PTCH1: variants seen among roughly 807,000 people sequenced by gnomAD.
The protein encoded by PTCH1 is patched 1.
Under a neutral mutation model 144.6 loss-of-function variants are expected in PTCH1, and 14 were observed. The observed-to-expected ratio is 0.10, with a 90% CI of 0.06 to 0.15. The LOEUF is 0.15. Ranked by LOEUF, PTCH1 falls within the 10% of genes least tolerant of loss-of-function variation. The pLI, the probability that PTCH1 is intolerant of heterozygous loss-of-function variation, is 1.00. For missense variants in PTCH1, 1,623 were observed against 1,948.3 expected (o/e 0.83, Z 3.14); for synonymous variants, 833 against 793.6 (o/e 1.05, Z -0.83).
Position 95,467,255 on chromosome 9 carries a change from G to T in PTCH1, c.2421C>A (p.Thr807=), listed in dbSNP as rs2117960464. The T allele has an allele frequency of 6.2e-7, 1 of 1,614,170 alleles. No individual in the cohort carries two copies. Reference sequence around the variant, plus strand: ...GGATATTCGGGTAGTCTGCTTTCTGGGTGACTATATACATGTTGTAGAAAG... The same window carrying T: ...GGATATTCGGGTAGTCTGCTTTCTGTGTGACTATATACATGTTGTAGAAAG... The part of the protein sequence containing the change: ...YFSFYNMYIV[T]QKADYPNIQH... The change falls in exon 15 of 24, where the codon ACC becomes ACA. Residue 807 remains threonine (T), a synonymous_variant. Transcript: ENST00000331920.
At chr9:95,507,881 G>C (rs933604805) in intron 1 of PTCH1, 5 of 1,261,534 alleles carry the variant, frequency 4.0e-6, no homozygotes, top group Non-Finnish European at 5.1e-6. Flanking sequence ...CTCCGGAAAA[G>C]GCACACCAGG....
At chr9:95,507,426 C>A (rs1178698913) in intron 1 of PTCH1, 32 of 985,368 alleles carry the variant, frequency 3.2e-5, no homozygotes, top group Non-Finnish European at 3.9e-5. Flanking sequence ...TCCCTGGATT[C>A]CACACATTTC....
At chr9:95,506,904 G>C (rs1843706625) in intron 1 of PTCH1, 1 of 1,113,364 alleles carries the variant, frequency 9.0e-7, no homozygotes, top group Admixed American at 5.1e-5. Flanking sequence ...GAGGTAGAGA[G>C]GAGAGAAACC....
intron 17 of PTCH1, 138 bp downstream of exon 17, chr9:95,459,462 A>T: frequency 9.0e-7 from 1 of 1,113,740 alleles, no homozygotes; most frequent in Non-Finnish European, 1.3e-6. Flanking sequence ...CCAGAGTTTT[A>T]AACGAGAAGA....
chr9:95,508,416 C>T lies in PTCH1; in HGVS notation c.-55G>A, dbSNP rs1473881970. 6.6e-6 allele frequency: 7 copies of T among 1,061,268 alleles called. No individual in the cohort carries two copies. The highest frequency in any genetic ancestry group is 7.9e-6 in the Non-Finnish European group (7 of 881,132). 65.7% of individuals were successfully genotyped at this position (1,061,268 alleles called of 1,614,324 possible). A position where few individuals can be genotyped will look rare whatever the true frequency, so the allele number is the denominator to read the frequency against. ...GACGGAGGCTTCCCGGGCGGCCCGG[C>T]GCGCTGCTGCCGCTGCTGCGGGCTC... On this transcript the variant is annotated 5_prime_UTR_variant, in exon 1 of 24. Coordinates refer to ENST00000331920, the MANE Select transcript of PTCH1 (RefSeq NM_000264.5).
chr9:95,445,728 CA>C lies in PTCH1; in HGVS notation c.*664del, dbSNP rs111365480. On this transcript the variant is annotated 3_prime_UTR_variant, in exon 24 of 24. Transcript: ENST00000331920. ...GACAGTGTAGAGAAACAAAACAAGA[CA>C]AAAAAAAAATCACAGTACAGTACAT... 26 of 149,760 alleles carry C rather than the reference CA, an allele frequency of 1.7e-4. No individual in the cohort carries two copies. The highest frequency in any genetic ancestry group is 2.7e-4 in the Non-Finnish European group (18 of 67,186). 9.3% of individuals were successfully genotyped at this position (149,760 alleles called of 1,614,324 possible).
chr9:95,475,446 G>A (rs948391221), intron 12 of PTCH1, among the ~76,000 whole-genome samples: 5 of 152,116 alleles, frequency 3.3e-5, no homozygotes, highest in African/African-American at 4.8e-5. Context: ...AGATTGTGGC[G>A]GCCAACTTAG....
intron 14 of PTCH1, among the ~76,000 whole-genome samples, chr9:95,468,065 C>G (rs1840187461): frequency 6.6e-6 from 1 of 152,092 alleles, no homozygotes; most frequent in African/African-American, 2.4e-5. Context: ...CAGCACCATG[C>G]CTTTTTTCCC....
upstream of PTCH1, among the ~76,000 whole-genome samples, chr9:95,509,954 ATCTT>A (rs1390883018): frequency 2.0e-5 from 3 of 151,910 alleles, no homozygotes; most frequent in African/African-American, 7.3e-5. Flanking sequence ...GGGAAAAGCC[ATCTT>A]TCTTAAAATC....
At position 95,508,595 on chromosome 9, in the gene PTCH1, G is replaced by A. The variant is rs1843947067; in HGVS notation, c.-234C>T. 1 of 996,688 alleles carries A rather than the reference G, an allele frequency of 1.0e-6. No individual in the cohort carries two copies. The highest frequency in any genetic ancestry group is 1.7e-5 in the African/African-American group (1 of 57,336). The allele number at this position is 996,688 out of a possible 1,614,324, so 61.7% of individuals were successfully genotyped here. On this transcript the variant is annotated 5_prime_UTR_variant, in exon 1 of 24. Coordinates refer to ENST00000331920, the MANE Select transcript of PTCH1 (RefSeq NM_000264.5). ...CCGCTGCCGGGGAGTCAGACCCTGC[G>A]CCTTCCATTGCCACATTGCGCGGGG...
chr9:95,449,135 G>A lies in PTCH1; in HGVS notation c.3738C>T (p.Gly1246=), dbSNP rs771308724. The change falls in exon 22 of 24, where the codon GGC becomes GGT. Residue 1246 remains glycine (G), a synonymous_variant. Coordinates refer to ENST00000331920, the MANE Select transcript of PTCH1 (RefSeq NM_000264.5). This position sits in a 1 kb window ranked among gnomAD's most constrained non-coding sequence, Gnocchi z 5.3. The stretch of plus-strand genomic sequence containing the variant: ...TCACTTGGTGGGCAGGGCCTCCCGC[G>A]CCCTGCTGGGCCTCGTAGTGCCGAA... ...EELRHYEAQQ[G]AGGPAHQVIV... 1.3e-5 allele frequency: 21 copies of A among 1,614,002 alleles called. No individual in the cohort carries two copies. The highest frequency in any genetic ancestry group is 7.7e-5 in the South Asian group (7 of 91,068).
upstream of PTCH1, among the ~76,000 whole-genome samples, chr9:95,510,732 G>T (rs1844106169): frequency 6.8e-6 from 1 of 146,602 alleles, no homozygotes; most frequent in Non-Finnish European, 1.5e-5. Flanking sequence ...TATGTTCATT[G>T]AAAAAAAAAG....
At chr9:95,454,376 G>A (rs1838737724) in intron 19 of PTCH1, among the ~76,000 whole-genome samples, 1 of 152,226 alleles carries the variant, frequency 6.6e-6, no homozygotes, top group Non-Finnish European at 1.5e-5. Flanking sequence ...ATGCCGAGAG[G>A]AGAGGGCTGG....
At chr9:95,472,792 C>T (rs1840695792) in intron 12 of PTCH1, among the ~76,000 whole-genome samples, 2 of 152,286 alleles carry the variant, frequency 1.3e-5, no homozygotes, top group South Asian at 2.1e-4. Context: ...ACATGTATGG[C>T]GGAGTATTTT....
At position 95,446,951 on chromosome 9, in the gene PTCH1, C is replaced by T; in HGVS notation, c.4305G>A (p.Val1435=). 1.2e-6 allele frequency: 2 copies of T among 1,614,208 alleles called. No individual in the cohort carries two copies. The highest frequency in any genetic ancestry group is 1.7e-6 in the Non-Finnish European group (2 of 1,180,042). Residue 1435 remains valine, a synonymous_variant, in exon 23 of 24, where the codon GTG becomes GTA. Coordinates refer to ENST00000331920, the MANE Select transcript of PTCH1 (RefSeq NM_000264.5). ...SKVEVIELQD[V]ECEERPRGSS... is the part of the protein sequence containing the mutation. ...TTCCCCGGGGCCTCTCCTCGCATTC[C>T]ACGTCCTGCAGCTCAATGACTTCCA...
At chr9:95,457,369 C>T (rs778057626) in intron 18 of PTCH1, among the ~76,000 whole-genome samples, 19 of 152,316 alleles carry the variant, frequency 1.2e-4, no homozygotes, top group East Asian at 1.9e-4. Flanking sequence ...CACAGACTCA[C>T]GGTGCAGACA....
At chr9:95,455,766 G>A (rs895711796) in intron 19 of PTCH1, among the ~76,000 whole-genome samples, 1 of 152,178 alleles carries the variant, frequency 6.6e-6, no homozygotes, top group African/African-American at 2.4e-5. Context: ...CCCCGGGGCT[G>A]AACAATGGAG....
intron 23 of PTCH1, 66 bp downstream of exon 23, chr9:95,446,834 CGAGAACCCCAG>C (rs1564004006): frequency 1.9e-6 from 3 of 1,596,368 alleles, no homozygotes; most frequent in Admixed American, 3.3e-5. Flanking sequence ...TCGGGGATGC[CGAGAACCCCAG>C]GAGAACCTTG....
At chr9:95,507,909 C>CACAT in intron 1 of PTCH1, 1 of 1,357,966 alleles carries the variant, frequency 7.4e-7, no homozygotes, top group Non-Finnish European at 9.6e-7. Flanking sequence ...TGTGTATACA[C>CACAT]ACACACACAC....
Sources: allele counts gnomAD v4.1 joint callset (sites outside exome capture counted in the v4.1 genomes callset), GRCh38; gene constraint gnomAD v4.1.1; non-coding constraint Gnocchi (gnomAD v3.1); transcripts MANE v1.5; gene names NCBI Gene and HGNC (gene_info 2026-07-23, HGNC 2026-07-21).